KCNJ6: variants seen among roughly 807,000 people sequenced by gnomAD.
KCNJ6 encodes the protein G protein-activated inward rectifier potassium channel 2.
In KCNJ6, 9 loss-of-function variants were observed where a neutral mutation model predicts 34.2. That is an observed-to-expected ratio of 0.26 (90% CI 0.16 to 0.46). The LOEUF (loss-of-function observed/expected upper bound fraction) is 0.46. KCNJ6 is among the 20% of genes least tolerant of loss of function. The probability of loss-of-function intolerance (pLI) is 1.00; values close to 1 mark genes in which losing one functional copy is unlikely to be tolerated. For missense variants in KCNJ6, 236 were observed against 531.3 expected (o/e 0.44, Z 5.46); for synonymous variants, 196 against 207.1 (o/e 0.95, Z 0.46).
At chr21:37,722,572 C>G (rs935580842) in intron 2 of KCNJ6, among the ~76,000 whole-genome samples, 12 of 152,196 alleles carry the variant, frequency 7.9e-5, no homozygotes, top group Non-Finnish European at 1.5e-4. Context: ...CAGCACGGTA[C>G]TGGTACAAAA....
chr21:37,734,194 C>A lies in KCNJ6; in HGVS notation c.26-19063G>T, dbSNP rs900255453. Among the ~76,000 whole-genome samples the A allele has an allele frequency of 2.6e-5, 4 of 152,130 alleles. 1 individual carries two copies. The highest frequency in any genetic ancestry group is 9.7e-5 in the African/African-American group (4 of 41,422). On this transcript the variant is annotated intron_variant, in intron 2 of 3. Coordinates refer to ENST00000609713, the MANE Select transcript of KCNJ6 (RefSeq NM_002240.5). ...CTATTGTGTCAGGTTCTAGGAATAT[C>A]ATTTTTCTTCTCAAAATGACTTCAC...
chr21:37,717,154 C>G (rs1033072622), intron 2 of KCNJ6: 1 of 154,406 alleles, frequency 6.5e-6, no homozygotes, highest in Non-Finnish European at 1.5e-5. Context: ...TCTGCAGAGC[C>G]TACTCTCTAG....
At chr21:37,849,441 G>A (rs2055526626) in intron 1 of KCNJ6, among the ~76,000 whole-genome samples, 1 of 152,168 alleles carries the variant, frequency 6.6e-6, no homozygotes, top group South Asian at 2.1e-4. Flanking sequence ...TTTCCAAGAG[G>A]AAAGGGAACA....
chr21:37,796,163 A>G (rs1243810722), intron 2 of KCNJ6, among the ~76,000 whole-genome samples: 1 of 152,114 alleles, frequency 6.6e-6, no homozygotes, highest in Non-Finnish European at 1.5e-5. Context: ...TCTCCCTGCC[A>G]TTTTTTATGG....
At chr21:37,660,050 C>A (rs1601407664) in intron 3 of KCNJ6, among the ~76,000 whole-genome samples, 2 of 152,244 alleles carry the variant, frequency 1.3e-5, no homozygotes, top group East Asian at 3.9e-4. Flanking sequence ...TGGAGGGAGG[C>A]TGCCCTGGGG....
At chr21:37,753,792 C>T (rs1035002566) in intron 2 of KCNJ6, among the ~76,000 whole-genome samples, 3 of 152,144 alleles carry the variant, frequency 2.0e-5, no homozygotes, top group South Asian at 2.1e-4. Flanking sequence ...TCAAAAGAAT[C>T]ACCAGGACCC....
At position 37,607,461 on chromosome 21, in the gene KCNJ6, A is replaced by AAGAG. The variant is rs1313707290; in HGVS notation, c.*17697_*17698insCTCT. On this transcript the variant is annotated 3_prime_UTR_variant, in exon 4 of 4. Coordinates refer to ENST00000609713, the MANE Select transcript of KCNJ6 (RefSeq NM_002240.5). ...GTTTCCCTAACACAGCGAGTTCTTA[A>AAGAG]AGATATATATATATATATATATTTT... 23 of 56,160 alleles carry AAGAG rather than the reference A, an allele frequency of 4.1e-4. No individual in the cohort carries two copies. The highest frequency in any genetic ancestry group is 1.5e-3 in the African/African-American group (19 of 12,350). The allele number at this position is 56,160 out of a possible 1,614,324, so 3.5% of individuals were successfully genotyped here. A position where few individuals can be genotyped will look rare whatever the true frequency, so the allele number is the denominator to read the frequency against.
At chr21:37,907,083 A>G (rs1010776337) in intron 1 of KCNJ6, among the ~76,000 whole-genome samples, 1 of 152,226 alleles carries the variant, frequency 6.6e-6, no homozygotes, top group Non-Finnish European at 1.5e-5. Flanking sequence ...CTAACTCGTC[A>G]TGGAGTCTTG....
intron 1 of KCNJ6, among the ~76,000 whole-genome samples, chr21:37,909,506 C>T (rs564013938): frequency 6.6e-6 from 1 of 152,214 alleles, no homozygotes; most frequent in East Asian, 1.9e-4. Flanking sequence ...GCTGGGACTA[C>T]AGGCATGTGC....
intron 3 of KCNJ6, among the ~76,000 whole-genome samples, chr21:37,691,791 C>T (rs115541244): frequency 0.011 from 1,619 of 151,046 alleles, 27 homozygotes; most frequent in African/African-American, 0.037. Context: ...CAGGAAAGCA[C>T]AGCCGTTAGA....
intron 2 of KCNJ6, among the ~76,000 whole-genome samples, chr21:37,829,472 G>A (rs2055414639): frequency 6.6e-6 from 1 of 152,154 alleles, no homozygotes; most frequent in East Asian, 1.9e-4. Flanking sequence ...ATGTCACCTG[G>A]GCACCCCACT....
rs2054254830 is a variant in KCNJ6 at position 37,614,456 on chromosome 21, C to CTGTGTCTGCGTGTGTGTGTATGCA, written c.*10679_*10702dup. The stretch of plus-strand genomic sequence containing the variant: ...TGTATCTCTGTGTGTATGCATGTGT[C>CTGTGTCTGCGTGTGTGTGTATGCA]TGTGTCTGCGTGTGTGTGTATGCAT... On this transcript the variant is annotated 3_prime_UTR_variant, in exon 4 of 4. Coordinates refer to ENST00000609713, the MANE Select transcript of KCNJ6 (RefSeq NM_002240.5). 2 of 147,962 alleles carry CTGTGTCTGCGTGTGTGTGTATGCA rather than the reference C, an allele frequency of 1.4e-5. No individual in the cohort carries two copies. The highest frequency in any genetic ancestry group is 3.0e-5 in the Non-Finnish European group (2 of 67,126). 9.2% of individuals were successfully genotyped at this position (147,962 alleles called of 1,614,324 possible).
intron 2 of KCNJ6, among the ~76,000 whole-genome samples, chr21:37,828,174 A>G (rs1422381182): frequency 6.6e-6 from 1 of 152,108 alleles, no homozygotes; most frequent in African/African-American, 2.4e-5. Flanking sequence ...GATATCCCCA[A>G]CCCCCAACAC....
rs376994186 is a variant in KCNJ6 at position 37,702,164 on chromosome 21, C to T, written c.946+12047G>A. ...AGGAGAATCGCTTGAACCCAGGAGG[C>T]GGAGGTTGCAGTCAGCTGAGATCGT... On this transcript the variant is annotated intron_variant, in intron 3 of 3. Transcript: ENST00000609713. Among the ~76,000 whole-genome samples the T allele has an allele frequency of 2.1e-4, 28 of 131,930 alleles. No individual in the cohort carries two copies. In the South Asian group the frequency reaches 6.4e-3, roughly 30 times the overall value. The allele number at this position is 131,930 out of a possible 152,430, so 86.6% of individuals were successfully genotyped here.
chr21:37,828,243 C>G (rs567599945), intron 2 of KCNJ6, among the ~76,000 whole-genome samples: 127 of 152,284 alleles, frequency 8.3e-4, no homozygotes, highest in African/African-American at 3.0e-3. Flanking sequence ...GGAAAGCACA[C>G]CGGGGTGTAG....
chr21:37,691,760 G>A (rs2054640848), intron 3 of KCNJ6, among the ~76,000 whole-genome samples: 4 of 152,150 alleles, frequency 2.6e-5, no homozygotes, highest in Admixed American at 2.0e-4. Context: ...ATCTGTGTGA[G>A]TAACCGCGCA....
intron 2 of KCNJ6, among the ~76,000 whole-genome samples, chr21:37,752,050 T>C (rs948975462): frequency 1.3e-5 from 2 of 152,346 alleles, no homozygotes; most frequent in South Asian, 2.1e-4. Context: ...ATCTTGTTAC[T>C]GTGCAGATTT....
chr21:37,717,765 T>G (rs142699304), intron 2 of KCNJ6, among the ~76,000 whole-genome samples: 113 of 152,320 alleles, frequency 7.4e-4, no homozygotes, highest in African/African-American at 2.6e-3. Flanking sequence ...CACCCTAAGC[T>G]CTTGTCTTTC....
chr21:37,712,210 G>A (rs1418246248), intron 3 of KCNJ6, among the ~76,000 whole-genome samples: 1 of 152,172 alleles, frequency 6.6e-6, no homozygotes, highest in Non-Finnish European at 1.5e-5. Context: ...GTCTCCAGTG[G>A]TTTTTGCTTC....
Sources: gnomAD v4.1 joint callset for allele counts (sites outside exome capture counted in the v4.1 genomes callset) on GRCh38, gnomAD v4.1.1 for gene constraint, MANE v1.5 for transcripts, NCBI Gene and HGNC (gene_info 2026-07-23, HGNC 2026-07-21) for gene names.